Variants in SGK2 observed in about 807,000 individuals in gnomAD.
SGK2 encodes the protein serum/glucocorticoid regulated kinase 2, also known as serine/threonine-protein kinase Sgk2.
In SGK2, 36 loss-of-function variants were observed where a neutral mutation model predicts 47.5. That is an observed-to-expected ratio of 0.76 (90% CI 0.58 to 1.00). SGK2 has a LOEUF of 1.00. SGK2 is among the 50% of genes least tolerant of loss of function. SGK2 has a pLI of 0.00. For missense variants in SGK2, 404 were observed against 467.4 expected, an observed-to-expected ratio of 0.86 and a Z score of 1.25; for synonymous variants, 157 against 181.9, an observed-to-expected ratio of 0.86 and a Z score of 1.10.
At chr20:43,565,241 G>C (rs915377608) in intron 1 of SGK2, 1 of 152,312 alleles carries the variant, frequency 6.6e-6, no homozygotes, top group Non-Finnish European at 1.5e-5. Context: ...GCCTGTCTTC[G>C]GTTCCAACTG....
chr20:43,576,253 G>C lies in SGK2; in HGVS notation c.723G>C (p.Gln241His), dbSNP rs1263290289. Residue 241 changes from glutamine (Q) to histidine (H), a missense_variant, in exon 11 of 13, where the codon CAG becomes CAC. By Grantham distance (24) the Gln-to-His change is conservative (BLOSUM62 0). Transcript: ENST00000373100. ...LPPFYSQDVS[Q>H]MYENILHQPL... is the part of the protein sequence containing the mutation. The stretch of plus-strand genomic sequence containing the variant: ...CCTTCTACAGCCAAGATGTATCCCA[G>C]ATGTATGAGAACATTCTGCACCAGC... 1 of 1,614,046 alleles carries C rather than the reference G, an allele frequency of 6.2e-7. No homozygotes were observed.
intron 11 of SGK2, 102 bp downstream of exon 11, chr20:43,576,481 C>T: frequency 1.1e-6 from 1 of 934,716 alleles, no homozygotes; most frequent in East Asian, 2.6e-5. Flanking sequence ...CCTTCTAAAA[C>T]CAGGCACTGC....
At chr20:43,563,665 A>C (rs1206511465) in intron 1 of SGK2, among the ~76,000 whole-genome samples, 2 of 152,230 alleles carry the variant, frequency 1.3e-5, no homozygotes, top group Non-Finnish European at 2.9e-5. Context: ...AGTGTTCTGA[A>C]GTGCTCTGTG....
Position 43,571,070 on chromosome 20 carries a change from T to TGTGTGTGG in SGK2, c.510+17_510+18insGGTGTGTG, listed in dbSNP as rs1980092085. On this transcript the variant is annotated intron_variant, in intron 8 of 12. Transcript: ENST00000373100. ...TCTCTTGGACTGCCAGGTTGGTGTG[T>TGTGTGTGG]GTGTGTGTGTGTGTGTGTGTGTGTG... is the stretch of plus-strand genomic sequence containing the variant. 6 of 399,988 alleles carry TGTGTGTGG rather than the reference T, an allele frequency of 1.5e-5. No homozygotes were observed. Among genetic ancestry groups the TGTGTGTGG allele is most frequent in the Non-Finnish European group, 1.9e-5 (5 of 258,010 alleles). The allele number at this position is 399,988 out of a possible 1,614,324, so 24.8% of individuals were successfully genotyped here.
In SGK2 at chr20:43,569,435, C is replaced by T. The variant is rs766205575; in HGVS notation, c.279C>T (p.His93=). 1 of 1,614,008 alleles carries T rather than the reference C, an allele frequency of 6.2e-7. No homozygotes were observed. Among genetic ancestry groups the T allele is most frequent in the Non-Finnish European group, 8.5e-7 (1 of 1,180,014 alleles). ...GTGTGCTTCTGAAGAACGTGCGGCA[C>T]CCCTTCCTCGTGGGCCTGCGCTACT... ...ERSVLLKNVR[H]PFLVGLRYSF... Residue 93 remains histidine (H), a synonymous_variant, in exon 6 of 13, where the codon CAC becomes CAT. Coordinates refer to ENST00000373100, the MANE Select transcript of SGK2 (RefSeq NM_170693.3).
rs200063892 is a variant in SGK2 at position 43,576,167 on chromosome 20, C to T, written c.694-57C>T. On this transcript the variant is annotated intron_variant, in intron 10 of 12. Coordinates refer to ENST00000373100, the MANE Select transcript of SGK2 (RefSeq NM_170693.3). Reference sequence around the variant, plus strand: ...CCGCCCACCTTGCTCCAAGTCTCCCCGAGCCTGTGTTCACTTTGCATGGGT... The same window carrying T: ...CCGCCCACCTTGCTCCAAGTCTCCCTGAGCCTGTGTTCACTTTGCATGGGT... 6.1e-4 allele frequency: 969 copies of T among 1,593,290 alleles called. 2 individuals carry two copies. The highest frequency in any genetic ancestry group is 7.8e-4 in the Non-Finnish European group (905 of 1,166,284).
At chr20:43,570,806 T>C in intron 7 of SGK2, 77 bp downstream of exon 7, 1 of 1,322,198 alleles carries the variant, frequency 7.6e-7, no homozygotes, top group East Asian at 2.3e-5. Flanking sequence ...GGACACTAAA[T>C]CCTGATGAAA....
chr20:43,571,208 G>T (rs908041797), intron 8 of SGK2, 148 bp downstream of exon 8: 53 of 1,266,080 alleles, frequency 4.2e-5, no homozygotes, highest in Non-Finnish European at 5.4e-5. Flanking sequence ...GCATATGTGT[G>T]TGTGCCCATG....
intron 11 of SGK2, among the ~76,000 whole-genome samples, chr20:43,577,041 G>T (rs1980502407): frequency 6.6e-6 from 1 of 152,166 alleles, no homozygotes; most frequent in Non-Finnish European, 1.5e-5. Flanking sequence ...GGAAGAAAAT[G>T]AATAATGAGC....
intron 9 of SGK2, among the ~76,000 whole-genome samples, chr20:43,573,264 A>G (rs1001915161): frequency 5.3e-5 from 8 of 152,206 alleles, no homozygotes; most frequent in African/African-American, 1.4e-4. Context: ...CGAGGCAGGC[A>G]GATCACCTGA....
At chr20:43,581,177 T>C (rs1980775525) in intron 12 of SGK2, among the ~76,000 whole-genome samples, 1 of 152,030 alleles carries the variant, frequency 6.6e-6, no homozygotes, top group Non-Finnish European at 1.5e-5. Context: ...GCCTGGCCTG[T>C]TTTGTTTTGT....
intron 11 of SGK2, among the ~76,000 whole-genome samples, chr20:43,576,728 T>G (rs1294894566): frequency 6.6e-6 from 1 of 152,212 alleles, no homozygotes; most frequent in African/African-American, 2.4e-5. Flanking sequence ...TCACCTGAAG[T>G]CAGAAGTTCG....
At chr20:43,579,750 G>A (rs2145557195) in intron 11 of SGK2, among the ~76,000 whole-genome samples, 1 of 152,198 alleles carries the variant, frequency 6.6e-6, no homozygotes, top group East Asian at 1.9e-4. Context: ...AAATAGTTTT[G>A]GAATAAACAG....
chr20:43,575,400 G>C (rs893427005), intron 10 of SGK2, among the ~76,000 whole-genome samples: 2 of 149,214 alleles, frequency 1.3e-5, no homozygotes, highest in Admixed American at 6.8e-5. Context: ...GGAGGCAGGG[G>C]CTGCAGTGAA....
chr20:43,576,893 G>C (rs1324232465), intron 11 of SGK2, among the ~76,000 whole-genome samples: 1 of 152,236 alleles, frequency 6.6e-6, no homozygotes, highest in African/African-American at 2.4e-5. Context: ...AGTGATCTGA[G>C]ATCGTGCCAT....
At chr20:43,583,219 C>T (rs758787430) in intron 12 of SGK2, 2 of 1,289,692 alleles carry the variant, frequency 1.6e-6, no homozygotes, top group South Asian at 1.2e-5. Context: ...AGCTTCTTTT[C>T]GTTGGGATTT....
At chr20:43,575,053 C>A in intron 10 of SGK2, 49 bp downstream of exon 10, 2 of 1,281,148 alleles carry the variant, frequency 1.6e-6, no homozygotes, top group South Asian at 1.2e-5. Context: ...AGGGATGGGT[C>A]TGTCTCTCAT....
At position 43,567,963 on chromosome 20, in the gene SGK2, G is replaced by C. The variant is rs1345925418; in HGVS notation, c.192G>C (p.Lys64Asn). 6.2e-7 allele frequency: 1 copy of C among 1,614,178 alleles called. No individual in the cohort carries two copies. Among genetic ancestry groups the C allele is most frequent in the Non-Finnish European group, 8.5e-7 (1 of 1,180,024 alleles). The stretch of plus-strand genomic sequence containing the variant: ...CTGATGGGGCGTTCTATGCAGTGAA[G>C]GTACTACAGAAAAAGTCCATCTTAA... ...RKSDGAFYAVKVLQKKSILKK... is the reference protein window; with the variant it reads ...RKSDGAFYAVNVLQKKSILKK... The change falls in exon 5 of 13, where the codon AAG becomes AAC. Residue 64 changes from lysine to asparagine, a missense_variant. By Grantham distance (94) the Lys-to-Asn change is moderately conservative (BLOSUM62 0). Transcript: ENST00000373100.
At chr20:43,581,504 G>A (rs1418357768) in intron 12 of SGK2, among the ~76,000 whole-genome samples, 4 of 151,826 alleles carry the variant, frequency 2.6e-5, no homozygotes, top group Non-Finnish European at 4.4e-5. Flanking sequence ...GATTCCATAT[G>A]GGGAATTCCC....
Sources: gnomAD v4.1 joint callset for allele counts (sites outside exome capture counted in the v4.1 genomes callset) on GRCh38, gnomAD v4.1.1 for gene constraint, MANE v1.5 for transcripts, NCBI Gene and HGNC (gene_info 2026-07-23, HGNC 2026-07-21) for gene names.